The following PRDM1 variants were observed in gnomAD, a reference collection of about 807,000 sequenced individuals.
PRDM1 encodes the protein PR/SET domain 1.
A neutral mutation model predicts 62.8 loss-of-function variants in PRDM1; 13 were observed. That is an observed-to-expected ratio of 0.21 (90% CI 0.13 to 0.33). PRDM1 has a LOEUF of 0.33. Ranked by LOEUF, PRDM1 falls within the 10% of genes least tolerant of loss-of-function variation. PRDM1 has a pLI of 1.00. For synonymous variants in PRDM1, 396 were observed against 417.6 expected (o/e 0.95, Z 0.63); for missense variants, 895 against 1,058.8 (o/e 0.85, Z 2.15).
intron 1 of PRDM1, among the ~76,000 whole-genome samples, chr6:105,997,760 A>T (rs1169720151): frequency 6.6e-6 from 1 of 152,254 alleles, no homozygotes; most frequent in African/African-American, 2.4e-5. Flanking sequence ...GAGGCATTAC[A>T]AAGTAGCAGA....
At chr6:106,001,735 GTATGTCTTGA>G (rs1772426989) in intron 1 of PRDM1, among the ~76,000 whole-genome samples, 2 of 152,146 alleles carry the variant, frequency 1.3e-5, no homozygotes, top group South Asian at 4.2e-4. Context: ...GAACATTGCT[GTATGTCTTGA>G]TATCTGATAG....
intron 3 of PRDM1, 58 bp from the exon 4 acceptor site, chr6:106,099,242 G>C (rs1219611970): frequency 6.2e-7 from 1 of 1,610,430 alleles, no homozygotes; most frequent in South Asian, 1.1e-5. Context: ...ATTCTGAGAG[G>C]TGCTGGGGAG....
In PRDM1 at chr6:106,107,696, A is replaced by ATATATATATATC. The variant is rs1275544320; in HGVS notation, c.*213_*214insATATATATCTAT. On this transcript the variant is annotated 3_prime_UTR_variant, in exon 7 of 7. Transcript: ENST00000369096. Reference sequence around the variant, plus strand: ...AAAGGCCATATATATATATATATATATATCTGTATACATATTATATATACT... The same window carrying ATATATATATATC: ...AAAGGCCATATATATATATATATATATATATATATATCTATCTGTATACATATTATATATACT... 1 of 224,464 alleles carries ATATATATATATC rather than the reference A, an allele frequency of 4.5e-6. No homozygotes were observed. Among genetic ancestry groups the ATATATATATATC allele is most frequent in the African/African-American group, 2.3e-5 (1 of 44,130 alleles). 13.9% of individuals were successfully genotyped at this position (224,464 alleles called of 1,614,324 possible).
intron 1 of PRDM1, among the ~76,000 whole-genome samples, chr6:106,071,219 G>A (rs1303550717): frequency 2.0e-5 from 3 of 152,012 alleles, no homozygotes; most frequent in Non-Finnish European, 4.4e-5. Flanking sequence ...GTTGCAGTGA[G>A]CCAAGATCAC....
At chr6:106,009,170 T>G (rs138691318) in intron 1 of PRDM1, among the ~76,000 whole-genome samples, 2 of 152,356 alleles carry the variant, frequency 1.3e-5, no homozygotes, top group Non-Finnish European at 1.5e-5. Flanking sequence ...ATAAATTTAC[T>G]TTGACAAAAG....
upstream of PRDM1, among the ~76,000 whole-genome samples, chr6:106,081,558 C>T (rs533473194): frequency 2.0e-5 from 3 of 152,266 alleles, no homozygotes; most frequent in Admixed American, 6.5e-5. Flanking sequence ...ATATGGTCTT[C>T]GACTTAGATT....
At position 106,107,117 on chromosome 6, in the gene PRDM1, G is replaced by A. The variant is rs137867711; in HGVS notation, c.2109G>A (p.Lys703=). 5 of 1,614,038 alleles carry A rather than the reference G, an allele frequency of 3.1e-6. No individual in the cohort carries two copies. In the African/African-American group the frequency reaches 6.7e-5, roughly 22 times the overall value. The part of the protein sequence containing the change: ...HKNYIHLCSL[K]VHLKGNCAAA... Reference sequence around the variant, plus strand: ...ACTACATCCATCTCTGTAGCCTCAAGGTTCACCTGAAAGGGAACTGCGCTG... The same window carrying A: ...ACTACATCCATCTCTGTAGCCTCAAAGTTCACCTGAAAGGGAACTGCGCTG... Residue 703 remains lysine, a synonymous_variant, in exon 7 of 7, where the codon AAG becomes AAA. Coordinates refer to ENST00000369096, the MANE Select transcript of PRDM1 (RefSeq NM_001198.4).
At position 106,026,249 on chromosome 6, in the gene PRDM1, C is replaced by A. The variant is rs1395455579; in HGVS notation, c.-67+32610C>A. On this transcript the variant is annotated intron_variant, in intron 1 of 6. Transcript: ENST00000652320. ...ATCCTAGCACTTTGAGAGGCCAAGG[C>A]AGGAGGATCACCTGAGGTCGGGAGT... Among the ~76,000 whole-genome samples the A allele has an allele frequency of 2.6e-5, 4 of 152,120 alleles. No homozygotes were observed. The East Asian group carries it at 7.7e-4, about 29-fold the overall frequency.
At chr6:106,031,235 C>A (rs1215489045) in intron 1 of PRDM1, among the ~76,000 whole-genome samples, 1 of 152,046 alleles carries the variant, frequency 6.6e-6, no homozygotes, top group Non-Finnish European at 1.5e-5. Context: ...AACTTTTGCC[C>A]ACATGGAACT....
At chr6:106,051,938 A>G (rs1440424291) in intron 1 of PRDM1, among the ~76,000 whole-genome samples, 3 of 152,230 alleles carry the variant, frequency 2.0e-5, no homozygotes, top group East Asian at 3.8e-4. Flanking sequence ...ATTTAAAAAG[A>G]CAAATATTAT....
At chr6:106,015,739 T>G (rs1458725776) in intron 1 of PRDM1, among the ~76,000 whole-genome samples, 1 of 152,186 alleles carries the variant, frequency 6.6e-6, no homozygotes, top group South Asian at 2.1e-4. Context: ...TCCCATCTTA[T>G]TTTGATCTTT....
chr6:106,067,421 A>G (rs1450457677), intron 1 of PRDM1, among the ~76,000 whole-genome samples: 1 of 152,202 alleles, frequency 6.6e-6, no homozygotes, highest in Non-Finnish European at 1.5e-5. Context: ...CACCCAAAAG[A>G]ATTGACAAGG....
At chr6:106,099,657 G>T in intron 4 of PRDM1, 105 bp downstream of exon 4, 1 of 1,467,028 alleles carries the variant, frequency 6.8e-7, no homozygotes. Context: ...TCATGTGTTG[G>T]ATGAAGTAGG....
At chr6:106,098,283 A>C (rs1774166283) in intron 3 of PRDM1, 10 of 985,170 alleles carry the variant, frequency 1.0e-5, no homozygotes, top group Non-Finnish European at 1.2e-5. Flanking sequence ...AAAAGAGGGG[A>C]AGAGAGAAAA....
intron 1 of PRDM1, among the ~76,000 whole-genome samples, chr6:106,074,687 C>T (rs1402774301): frequency 6.6e-6 from 1 of 152,114 alleles, no homozygotes. Flanking sequence ...ATATAAATAT[C>T]GGAGAGGCCT....
chr6:106,106,675 T>C lies in PRDM1; in HGVS notation c.1902+176T>C, dbSNP rs117456337. ...CTTTGTATCTGCTGATGACTTGAGA[T>C]GGCACAGCCAGCTTCCAGTGGGTGG... On this transcript the variant is annotated intron_variant, in intron 6 of 6. Transcript: ENST00000369096. The surrounding 1 kb of genome is among the most constrained non-coding windows in gnomAD (Gnocchi z 4.4). Among the ~76,000 whole-genome samples, 985 of 152,306 alleles carry C rather than the reference T, an allele frequency of 6.5e-3. 29 individuals are homozygous for C. Among genetic ancestry groups the C allele is most frequent in the East Asian group, 0.05 (258 of 5,188 alleles).
Position 105,994,905 on chromosome 6 carries a change from G to A in PRDM1, c.-67+1266G>A, listed in dbSNP as rs1017699526. On this transcript the variant is annotated intron_variant, in intron 1 of 6. Coordinates refer to the PRDM1 transcript ENST00000652320. This position sits in a 1 kb window ranked among gnomAD's most constrained non-coding sequence, Gnocchi z 4.1. ...GGTCCGGGGACGGCGCGCTTGTCGCGGGAGCCTCCCGGCTTGCGGAGGGCT... is the reference window on the plus strand; with the variant it reads ...GGTCCGGGGACGGCGCGCTTGTCGCAGGAGCCTCCCGGCTTGCGGAGGGCT... 1.3e-5 allele frequency among the ~76,000 whole-genome samples: 2 copies of A among 152,238 alleles called. No homozygotes were observed. The highest frequency in any genetic ancestry group is 2.4e-5 in the African/African-American group (1 of 41,470).
At chr6:106,057,048 A>C (rs1773278419) in intron 1 of PRDM1, among the ~76,000 whole-genome samples, 1 of 152,370 alleles carries the variant, frequency 6.6e-6, no homozygotes, top group East Asian at 1.9e-4. Context: ...AGCTGCTTGT[A>C]CTACGTAGGA....
chr6:106,098,470 A>G, intron 3 of PRDM1: 1 of 1,185,784 alleles, frequency 8.4e-7, no homozygotes, highest in Non-Finnish European at 1.1e-6. Context: ...GGAACAACAT[A>G]CTTTCTTCCT....
Sources: allele counts gnomAD v4.1 joint callset (sites outside exome capture counted in the v4.1 genomes callset), GRCh38; gene constraint gnomAD v4.1.1; non-coding constraint Gnocchi (gnomAD v3.1); transcripts MANE v1.5; gene names NCBI Gene and HGNC (gene_info 2026-07-23, HGNC 2026-07-21).